Variants in DENND5A observed in about 807,000 individuals in gnomAD.
DENND5A encodes DENN domain containing 5A.
Under a neutral mutation model 140.3 loss-of-function variants are expected in DENND5A, and 64 were observed. The observed-to-expected ratio is 0.46, with a 90% CI of 0.37 to 0.56. The LOEUF is 0.56. DENND5A is among the 20% of genes least tolerant of loss of function. The pLI is 0.00. For missense variants in DENND5A, 1,292 were observed against 1,593.8 expected, an observed-to-expected ratio of 0.81 and a Z score of 3.22; for synonymous variants, 605 against 607.7, an observed-to-expected ratio of 1.00 and a Z score of 0.07.
chr11:9,263,287 C>G (rs964116675), intron 1 of DENND5A, among the ~76,000 whole-genome samples: 7 of 151,778 alleles, frequency 4.6e-5, no homozygotes, highest in African/African-American at 1.7e-4. Context: ...CTGGCGCAAT[C>G]TCAGCTCACT....
At chr11:9,203,376 A>C (rs561638111) in intron 4 of DENND5A, among the ~76,000 whole-genome samples, 29 of 152,266 alleles carry the variant, frequency 1.9e-4, no homozygotes, top group African/African-American at 7.0e-4. Flanking sequence ...TCCTGTGACC[A>C]TCACCTCCTA....
intron 1 of DENND5A, among the ~76,000 whole-genome samples, chr11:9,227,767 C>T (rs946685465): frequency 4.6e-5 from 7 of 150,874 alleles, no homozygotes; most frequent in African/African-American, 7.3e-5. Context: ...CCAGCCTGGG[C>T]AACATAGCAA....
rs772057315 is a variant in DENND5A at position 9,203,730 on chromosome 11, G to A, written c.879C>T (p.Leu293=). Residue 293 remains leucine (L), a synonymous_variant, in exon 4 of 23, where the codon CTC becomes CTT. Coordinates refer to ENST00000328194, the MANE Select transcript of DENND5A (RefSeq NM_015213.4). The stretch of plus-strand genomic sequence containing the variant: ...AAAGCTGAAACACATTCTCCACCCC[G>A]AGCAGTTCAAAAACCTCTTTGACAG... ...DFPVKEVFEL[L]GVENVFQLFT... The A allele has an allele frequency of 5.0e-6, 8 of 1,613,966 alleles. No homozygotes were observed. Among genetic ancestry groups the A allele is most frequent in the East Asian group, 2.2e-5 (1 of 44,896 alleles).
At chr11:9,263,791 G>C (rs1419152242) in intron 1 of DENND5A, among the ~76,000 whole-genome samples, 22 of 141,840 alleles carry the variant, frequency 1.6e-4, no homozygotes, top group Admixed American at 5.1e-4. Context: ...GCAGTGAGCC[G>C]AGATTGCGCC....
intron 1 of DENND5A, among the ~76,000 whole-genome samples, chr11:9,241,094 A>C (rs1319041035): frequency 1.3e-5 from 2 of 152,188 alleles, no homozygotes; most frequent in Non-Finnish European, 2.9e-5. Flanking sequence ...AGCTGATCCA[A>C]GTCCCCATAA....
At chr11:9,194,478 A>C (rs1849248734) in intron 4 of DENND5A, among the ~76,000 whole-genome samples, 2 of 151,884 alleles carry the variant, frequency 1.3e-5, no homozygotes, top group South Asian at 2.1e-4. Context: ...CTGAGACGTA[A>C]GAATTGCTTG....
chr11:9,148,905 C>G (rs997591038), intron 15 of DENND5A, among the ~76,000 whole-genome samples: 1 of 152,148 alleles, frequency 6.6e-6, no homozygotes, highest in Admixed American at 6.5e-5. Flanking sequence ...AGTAAGAGAG[C>G]AAGCGAGAAA....
At chr11:9,257,878 C>T (rs1205285858) in intron 1 of DENND5A, among the ~76,000 whole-genome samples, 3 of 151,652 alleles carry the variant, frequency 2.0e-5, no homozygotes, top group South Asian at 2.1e-4. Context: ...CTGCAGCCTC[C>T]GCCTCCCAGA....
rs78275731 is a variant in DENND5A, at chr11:9,139,977, C to T, written c.3681-123G>A. On this transcript the variant is annotated intron_variant, in intron 22 of 22. Coordinates refer to ENST00000328194, the MANE Select transcript of DENND5A (RefSeq NM_015213.4). The stretch of plus-strand genomic sequence containing the variant: ...TGAAGCTGGAGAAGCTGACAGCCCC[C>T]CACACCCCCCTTTCCCAAACAGGGA... 662 of 1,059,200 alleles carry T rather than the reference C, an allele frequency of 6.3e-4. 2 individuals are homozygous for T. The African/African-American group carries it at 9.0e-3, about 14-fold the overall frequency. The allele number at this position is 1,059,200 out of a possible 1,614,324, so 65.6% of individuals were successfully genotyped here. A position where few individuals can be genotyped will look rare whatever the true frequency, so the allele number is the denominator to read the frequency against.
At chr11:9,147,295 G>C in intron 15 of DENND5A, 144 bp from the exon 16 acceptor site, 1 of 804,762 alleles carries the variant, frequency 1.2e-6, no homozygotes, top group South Asian at 1.9e-5. Flanking sequence ...AAGGAACAAA[G>C]CTAGCTACTC....
chr11:9,217,369 C>G (rs998987485), intron 1 of DENND5A, among the ~76,000 whole-genome samples: 1 of 152,010 alleles, frequency 6.6e-6, no homozygotes. Flanking sequence ...CAAAAATTAG[C>G]CAGGCGTGGT....
intron 12 of DENND5A, among the ~76,000 whole-genome samples, chr11:9,160,001 T>C (rs1377996789): frequency 6.6e-6 from 1 of 152,240 alleles, no homozygotes; most frequent in Non-Finnish European, 1.5e-5. Flanking sequence ...CAAGAGATCT[T>C]GGTCTGTTTT....
intron 1 of DENND5A, among the ~76,000 whole-genome samples, chr11:9,210,309 C>T (rs1228875784): frequency 6.6e-6 from 1 of 152,270 alleles, no homozygotes; most frequent in African/African-American, 2.4e-5. Flanking sequence ...TTGTTCAACA[C>T]ATATAGATTA....
At chr11:9,181,167 G>A in intron 5 of DENND5A, 83 bp from the exon 6 acceptor site, 3 of 1,282,272 alleles carry the variant, frequency 2.3e-6, no homozygotes, top group Admixed American at 2.6e-5. Context: ...TGAACAAGAG[G>A]GCAAAAACAA....
chr11:9,208,343 A>G (rs1424702303), intron 1 of DENND5A, among the ~76,000 whole-genome samples: 1 of 152,246 alleles, frequency 6.6e-6, no homozygotes, highest in Non-Finnish European at 1.5e-5. Flanking sequence ...TGCGTGTGCT[A>G]GTTGACAGAA....
intron 1 of DENND5A, among the ~76,000 whole-genome samples, chr11:9,236,389 G>A (rs1851004445): frequency 6.6e-6 from 1 of 151,116 alleles, no homozygotes; most frequent in African/African-American, 2.4e-5. Flanking sequence ...ACAATTAACT[G>A]GGCATGGTGA....
intron 1 of DENND5A, among the ~76,000 whole-genome samples, chr11:9,256,716 T>TACCC (rs1851961393): frequency 6.6e-6 from 1 of 152,114 alleles, no homozygotes; most frequent in African/African-American, 2.4e-5. Context: ...AGATGAGTGG[T>TACCC]TGCCTAGGGT....
chr11:9,258,979 G>C (rs999977534), intron 1 of DENND5A, among the ~76,000 whole-genome samples: 6 of 152,104 alleles, frequency 3.9e-5, no homozygotes, highest in Non-Finnish European at 7.4e-5. Flanking sequence ...CAGGGTATTA[G>C]GCTGGGCGCA....
In DENND5A at chr11:9,255,527, T is replaced by C. The variant is rs147366107; in HGVS notation, c.109+9434A>G. On this transcript the variant is annotated intron_variant, in intron 1 of 22. Transcript: ENST00000328194. ...CAGGTGAATGACCTGAGGTCAGGAG[T>C]TCGAGACCAGCCTGGCCAACATGGT... Among the ~76,000 whole-genome samples, 787 of 151,210 alleles carry C rather than the reference T, an allele frequency of 5.2e-3. 2 individuals carry two copies. Among genetic ancestry groups the C allele is most frequent in the Middle Eastern group, 0.017 (5 of 290 alleles).
Sources: gnomAD v4.1 joint callset for allele counts (sites outside exome capture counted in the v4.1 genomes callset) on GRCh38, gnomAD v4.1.1 for gene constraint, MANE v1.5 for transcripts, NCBI Gene and HGNC (gene_info 2026-07-23, HGNC 2026-07-21) for gene names.